MCOLN2: variants seen among roughly 807,000 people sequenced by gnomAD.
MCOLN2 encodes mucolipin TRP cation channel 2, also known as mucolipin-2.
MCOLN2 carries 57 observed loss-of-function variants against 67.5 expected under a neutral mutation model. That is an observed-to-expected ratio of 0.84 (90% CI 0.68 to 1.05). The LOEUF (loss-of-function observed/expected upper bound fraction) is 1.05, where lower values mean the gene tolerates loss of function less well. Ranked by LOEUF, MCOLN2 falls within the 50% of genes least tolerant of loss-of-function variation. The probability of loss-of-function intolerance (pLI) is 0.00; values close to 1 mark genes in which losing one functional copy is unlikely to be tolerated. For missense variants in MCOLN2, 620 were observed against 678.8 expected (o/e 0.91, Z 0.96); for synonymous variants, 246 against 233.3 (o/e 1.05, Z -0.50).
At chr1:84,944,058 T>C (rs1229369691) in intron 7 of MCOLN2, among the ~76,000 whole-genome samples, 1 of 152,158 alleles carries the variant, frequency 6.6e-6, no homozygotes, top group East Asian at 1.9e-4. Context: ...AGTACCTTCC[T>C]TTCTGACATA....
chr1:84,965,601 A>T lies in MCOLN2; in HGVS notation c.185T>A (p.Ile62Asn). The T allele has an allele frequency of 6.2e-7, 1 of 1,614,078 alleles. No homozygotes were observed. The highest frequency in any genetic ancestry group is 8.5e-7 in the Non-Finnish European group (1 of 1,179,952). The stretch of plus-strand genomic sequence containing the variant: ...AATCTGCAAACCCAGTTTCCACGGA[A>T]TCTGGCGTCTGGCTCGGTATTTTTC... ...PCEKYRARRQ[I>N]PWKLGLQILK... Residue 62 changes from isoleucine to asparagine, a missense_variant, in exon 2 of 14, where the codon ATT becomes AAT. By Grantham distance (149) the Ile-to-Asn change is moderately radical. Coordinates refer to ENST00000370608, the MANE Select transcript of MCOLN2 (RefSeq NM_153259.4).
rs1647195334 is a variant in MCOLN2, at chr1:84,931,562, T to A, written c.1342A>T (p.Asn448Tyr). ...VLGPYHDKFE[N>Y]LNTVAECLFS... The stretch of plus-strand genomic sequence containing the variant: ...AGACACTCAGCAACTGTGTTCAGAT[T>A]TTCAAACTGTAGGGGGAAATAAAAA... Residue 448 changes from asparagine to tyrosine, a missense_variant, in exon 12 of 14, where the codon AAT becomes TAT. By Grantham distance (143) the Asn-to-Tyr change is moderately radical. Transcript: ENST00000370608. 6.2e-7 allele frequency: 1 copy of A among 1,613,574 alleles called. No individual in the cohort carries two copies. The highest frequency in any genetic ancestry group is 8.5e-7 in the Non-Finnish European group (1 of 1,179,652).
chr1:84,964,664 T>C (rs1359086593), intron 2 of MCOLN2, among the ~76,000 whole-genome samples: 1 of 152,138 alleles, frequency 6.6e-6, no homozygotes. Context: ...GTGGGGGCCC[T>C]GAGCTTGTTT....
At chr1:84,956,153 G>GAA (rs1648772655) in intron 4 of MCOLN2, among the ~76,000 whole-genome samples, 1 of 124,312 alleles carries the variant, frequency 8.0e-6, no homozygotes, top group African/African-American at 3.2e-5. Context: ...CCCTTCATAG[G>GAA]GAAAAAAAAA....
intron 1 of MCOLN2, among the ~76,000 whole-genome samples, chr1:84,970,850 C>T (rs919397044): frequency 6.6e-6 from 1 of 152,182 alleles, no homozygotes; most frequent in African/African-American, 2.4e-5. Flanking sequence ...GTGCTTGATG[C>T]AGCCCAATTG....
In MCOLN2 at chr1:84,969,828, G is replaced by A. The variant is rs557454212; in HGVS notation, c.78-4120C>T. 2.9e-4 allele frequency among the ~76,000 whole-genome samples: 44 copies of A among 152,300 alleles called. No homozygotes were observed. In the South Asian group the frequency reaches 3.7e-3, roughly 13 times the overall value. On this transcript the variant is annotated intron_variant, in intron 1 of 13. Transcript: ENST00000370608. ...CAATGCATAATTATTAAAGAGTTCC[G>A]TGAATGCTGTAAAATAAGTAAATAT...
At chr1:84,946,397 A>C (rs867631132) in intron 7 of MCOLN2, among the ~76,000 whole-genome samples, 8 of 152,178 alleles carry the variant, frequency 5.3e-5, no homozygotes, top group Non-Finnish European at 2.9e-5. Flanking sequence ...TCTTGTGTTC[A>C]GTGCTTTGCT....
intron 9 of MCOLN2, 123 bp downstream of exon 9, chr1:84,939,430 G>T: frequency 2.1e-6 from 2 of 975,390 alleles, no homozygotes; most frequent in Non-Finnish European, 1.5e-6. Context: ...CCTCACTTGT[G>T]CTGGTGTGAG....
chr1:84,936,995 T>C (rs1433963013), intron 11 of MCOLN2, among the ~76,000 whole-genome samples: 1 of 152,226 alleles, frequency 6.6e-6, no homozygotes, highest in Non-Finnish European at 1.5e-5. Context: ...GCAGTAAGTG[T>C]TAGCTGCTGC....
At position 84,966,601 on chromosome 1, in the gene MCOLN2, A is replaced by G. The variant is rs538359149; in HGVS notation, c.78-893T>C. ...GACTATGACTCCTTTTTTGGATAAA[A>G]TATCAGTGATTATATGATTCCAGAA... is the stretch of plus-strand genomic sequence containing the variant. On this transcript the variant is annotated intron_variant, in intron 1 of 13. Transcript: ENST00000370608. Among the ~76,000 whole-genome samples the G allele has an allele frequency of 1.6e-3, 237 of 152,320 alleles. 2 individuals are homozygous for G. Among genetic ancestry groups the G allele is most frequent in the African/African-American group, 2.4e-3 (99 of 41,578 alleles).
chr1:84,929,933 T>TTA lies in MCOLN2; in HGVS notation c.1543-255_1543-254insTA, dbSNP rs1026900709. On this transcript the variant is annotated intron_variant, in intron 12 of 13. Coordinates refer to ENST00000370608, the MANE Select transcript of MCOLN2 (RefSeq NM_153259.4). ...AGAAGAGCCAGGGAGAGGTTTTTTTTAAAAAAAAAAAAGGTAATGAAGGAA... is the reference window on the plus strand; with the variant it reads ...AGAAGAGCCAGGGAGAGGTTTTTTTTTAAAAAAAAAAAAAGGTAATGAAGGAA... 349 of 195,112 alleles carry TTA rather than the reference T, an allele frequency of 1.8e-3. 1 individual carries two copies. Among genetic ancestry groups the TTA allele is most frequent in the African/African-American group, 5.7e-3 (236 of 41,708 alleles). The allele number at this position is 195,112 out of a possible 1,614,324, so 12.1% of individuals were successfully genotyped here.
intron 7 of MCOLN2, among the ~76,000 whole-genome samples, chr1:84,944,249 T>A (rs972532218): frequency 2.6e-5 from 4 of 152,044 alleles, no homozygotes; most frequent in East Asian, 3.9e-4. Context: ...TTTATGAACA[T>A]CTTGGCCAGG....
intron 7 of MCOLN2, among the ~76,000 whole-genome samples, chr1:84,945,094 C>CT (rs1352507753): frequency 6.6e-6 from 1 of 152,128 alleles, no homozygotes; most frequent in Non-Finnish European, 1.5e-5. Flanking sequence ...ACCCAGTGGT[C>CT]TAGGAGGCTT....
chr1:84,956,436 T>A lies in MCOLN2; in HGVS notation c.560A>T (p.Glu187Val). 1 of 1,611,442 alleles carries A rather than the reference T, an allele frequency of 6.2e-7. No individual in the cohort carries two copies. The highest frequency in any genetic ancestry group is 1.1e-5 in the South Asian group (1 of 90,196). ...NETLNIDNDV[E>V]LDCVQLDLQD... ...TGAAATTATCACTGCATTACCGAGC[T>A]CAACGTCGTTGTCAATATTCAGTGT... Residue 187 changes from glutamate (E) to valine (V), a missense_variant, in exon 4 of 14, where the codon GAG (glutamate) becomes GTG (valine). Transcript: ENST00000370608.
At position 84,988,313 on chromosome 1, in the gene MCOLN2, A is replaced by G. The variant is rs367586832; in HGVS notation, c.77+8483T>C. ...GCAATCCTCCCACCTCGGCCTCCCAAAGTGCTGTGATTACAGGTGTGAGCC... is the reference window on the plus strand; with the variant it reads ...GCAATCCTCCCACCTCGGCCTCCCAGAGTGCTGTGATTACAGGTGTGAGCC... On this transcript the variant is annotated intron_variant, in intron 1 of 13. Transcript: ENST00000370608. Among the ~76,000 whole-genome samples, 123 of 152,144 alleles carry G rather than the reference A, an allele frequency of 8.1e-4. 1 individual carries two copies. Among genetic ancestry groups the G allele is most frequent in the African/African-American group, 2.8e-3 (117 of 41,494 alleles).
chr1:84,932,052 A>C (rs540937807), intron 11 of MCOLN2, among the ~76,000 whole-genome samples: 23 of 143,876 alleles, frequency 1.6e-4, no homozygotes, highest in Admixed American at 5.5e-4. Flanking sequence ...ACACACACAC[A>C]CCCCTCCATA....
chr1:84,968,704 TCTC>T (rs1649503306), intron 1 of MCOLN2, among the ~76,000 whole-genome samples: 1 of 152,288 alleles, frequency 6.6e-6, no homozygotes, highest in East Asian at 1.9e-4. Flanking sequence ...TCTCTGACCT[TCTC>T]CTGATCTCCT....
At chr1:84,932,663 T>C (rs1437655917) in intron 11 of MCOLN2, among the ~76,000 whole-genome samples, 1 of 152,228 alleles carries the variant, frequency 6.6e-6, no homozygotes, top group African/African-American at 2.4e-5. Context: ...TACTCTGAAA[T>C]AATTAAGTCC....
At chr1:84,930,178 G>A (rs112225866) in intron 12 of MCOLN2, among the ~76,000 whole-genome samples, 9,517 of 151,752 alleles carry the variant, frequency 0.063, 377 homozygotes, top group African/African-American at 0.11. Context: ...CAGGAGGATC[G>A]ACTGAGCCCT....
Sources: allele counts gnomAD v4.1 joint callset (sites outside exome capture counted in the v4.1 genomes callset), GRCh38; gene constraint gnomAD v4.1.1; transcripts MANE v1.5; gene names NCBI Gene and HGNC (gene_info 2026-07-23, HGNC 2026-07-21).